Variants in ADGRB3 observed in about 807,000 individuals in gnomAD.
ADGRB3 encodes the protein adhesion G protein-coupled receptor B3, also known as brain-specific angiogenesis inhibitor 3.
A neutral mutation model predicts 193.4 loss-of-function variants in ADGRB3; 37 were observed. The ratio of observed to expected loss-of-function variants is 0.19; its 90% CI spans 0.15 to 0.25. The LOEUF (loss-of-function observed/expected upper bound fraction) is 0.25. Among genes scored for constraint, ADGRB3 ranks in the 10% least tolerant of loss-of-function variants. The probability of loss-of-function intolerance (pLI) is 1.00; values close to 1 mark genes in which losing one functional copy is unlikely to be tolerated. For missense variants in ADGRB3, 1,637 were observed against 1,852.9 expected (o/e 0.88, Z 2.14); for synonymous variants, 690 against 644.2 (o/e 1.07, Z -1.08).
intron 13 of ADGRB3, among the ~76,000 whole-genome samples, chr6:69,043,555 G>A (rs1771150415): frequency 6.6e-6 from 1 of 152,144 alleles, no homozygotes. Context: ...ATAATGATGT[G>A]GACATACTGT....
At chr6:68,846,968 T>C (rs1267686527) in intron 3 of ADGRB3, among the ~76,000 whole-genome samples, 1 of 152,108 alleles carries the variant, frequency 6.6e-6, no homozygotes, top group African/African-American at 2.4e-5. Flanking sequence ...GGCTGTACCA[T>C]GCAAAGCCAC....
chr6:68,992,724 AG>A (rs1452200625), intron 10 of ADGRB3, among the ~76,000 whole-genome samples: 1 of 152,214 alleles, frequency 6.6e-6, no homozygotes, highest in African/African-American at 2.4e-5. Flanking sequence ...AAAATATATG[AG>A]ATTTCAACAC....
chr6:69,026,677 A>G (rs1316043381), intron 13 of ADGRB3, among the ~76,000 whole-genome samples: 1 of 152,208 alleles, frequency 6.6e-6, no homozygotes, highest in African/African-American at 2.4e-5. Context: ...CCTAGATGGT[A>G]TAGCCTATTA....
chr6:69,156,243 A>C (rs1370636123), intron 17 of ADGRB3, among the ~76,000 whole-genome samples: 1 of 152,214 alleles, frequency 6.6e-6, no homozygotes, highest in African/African-American at 2.4e-5. Flanking sequence ...AAATGGTTAA[A>C]TTATGTGAAG....
intron 17 of ADGRB3, among the ~76,000 whole-genome samples, chr6:69,188,250 C>CTT (rs59672215): frequency 1.3e-5 from 2 of 151,806 alleles, no homozygotes; most frequent in African/African-American, 4.8e-5. Context: ...CATAAAATGC[C>CTT]TTTTTTTTCT....
chr6:69,313,685 T>G (rs538158849), intron 20 of ADGRB3, among the ~76,000 whole-genome samples: 1 of 151,904 alleles, frequency 6.6e-6, no homozygotes, highest in South Asian at 2.1e-4. Context: ...CCTCTACAGA[T>G]AAAGAACATA....
At chr6:69,301,055 A>G (rs536289737) in intron 20 of ADGRB3, among the ~76,000 whole-genome samples, 49 of 151,908 alleles carry the variant, frequency 3.2e-4, no homozygotes, top group African/African-American at 1.2e-3. Context: ...ATTTTTTTCA[A>G]TAAACATATC....
chr6:69,226,724 T>A (rs1041165292), intron 17 of ADGRB3, among the ~76,000 whole-genome samples: 3 of 152,248 alleles, frequency 2.0e-5, no homozygotes, highest in Non-Finnish European at 4.4e-5. Flanking sequence ...GTTAGTTTCA[T>A]CTGGTATAAT....
chr6:68,968,748 A>G (rs762431072), intron 8 of ADGRB3, among the ~76,000 whole-genome samples: 57 of 152,264 alleles, frequency 3.7e-4, no homozygotes, highest in Non-Finnish European at 5.6e-4. Context: ...TTCATGATGT[A>G]TTTTTTGAAC....
intron 17 of ADGRB3, among the ~76,000 whole-genome samples, chr6:69,106,179 A>AAAAGAAAAG (rs1554143753): frequency 7.1e-6 from 1 of 140,734 alleles, no homozygotes; most frequent in Non-Finnish European, 1.5e-5. Flanking sequence ...AAAAAAAAAA[A>AAAAGAAAAG]AAAAGAAAAG....
At chr6:68,898,486 C>T (rs191944160) in intron 3 of ADGRB3, among the ~76,000 whole-genome samples, 9 of 152,168 alleles carry the variant, frequency 5.9e-5, no homozygotes, top group Admixed American at 5.2e-4. Flanking sequence ...CAGGCAAGCT[C>T]ATAGTAAAAT....
intron 16 of ADGRB3, among the ~76,000 whole-genome samples, chr6:69,065,276 A>G (rs1045166490): frequency 1.3e-5 from 2 of 152,146 alleles, no homozygotes; most frequent in African/African-American, 2.4e-5. Flanking sequence ...GCTAGAGAAG[A>G]AAAAGTCTCT....
Position 68,956,198 on chromosome 6 carries a change from G to T in ADGRB3, c.1360+10G>T. On this transcript the variant is annotated intron_variant, in intron 7 of 31. Transcript: ENST00000370598. ...AACCCTGAATGTACAGGTAGGGCTT[G>T]ATTCCTGCATATCATGGGCACTCGT... 1 of 1,596,232 alleles carries T rather than the reference G, an allele frequency of 6.3e-7. No individual in the cohort carries two copies. The highest frequency in any genetic ancestry group is 1.1e-5 in the South Asian group (1 of 89,560).
intron 20 of ADGRB3, among the ~76,000 whole-genome samples, chr6:69,268,220 G>A (rs1264865848): frequency 6.6e-6 from 1 of 152,016 alleles, no homozygotes; most frequent in Non-Finnish European, 1.5e-5. Context: ...TTTTTATAAT[G>A]TGCAAGTATA....
In ADGRB3 at chr6:68,639,455, G is replaced by A. The variant is rs763840849; in HGVS notation, c.757+23G>A. ...AAGGTAAGTGCCAAAGAGAGGGGAA[G>A]GTGAGCGGGGGAGCACTTTTGGGGG... is the stretch of plus-strand genomic sequence containing the variant. On this transcript the variant is annotated intron_variant, in intron 3 of 31. Transcript: ENST00000370598. 4 of 1,566,160 alleles carry A rather than the reference G, an allele frequency of 2.6e-6. No homozygotes were observed. In the South Asian group the frequency reaches 4.7e-5, roughly 18 times the overall value.
In ADGRB3 at chr6:69,086,878, A is replaced by G. The variant is rs1582450526; in HGVS notation, c.2480+10840A>G. On this transcript the variant is annotated intron_variant, in intron 17 of 31. Transcript: ENST00000370598. ...TGAATACATATTTTAAAGGGGGAGA[A>G]TGACATAGCATTTTTAACCTTTTCA... 5.3e-5 allele frequency among the ~76,000 whole-genome samples: 8 copies of G among 152,218 alleles called. 1 individual carries two copies. The highest frequency in any genetic ancestry group is 5.2e-4 in the Admixed American group (8 of 15,280).
Position 68,660,718 on chromosome 6 carries a change from C to G in ADGRB3, c.757+21286C>G, listed in dbSNP as rs1458738459. On this transcript the variant is annotated intron_variant, in intron 3 of 31. Coordinates refer to ENST00000370598, the MANE Select transcript of ADGRB3 (RefSeq NM_001704.3). Reference sequence around the variant, plus strand: ...CTAGCTAAATGCTTCAATTACATAGCAAGGGATGTTGTTTTATAATTACTC... The same window carrying G: ...CTAGCTAAATGCTTCAATTACATAGGAAGGGATGTTGTTTTATAATTACTC... Among the ~76,000 whole-genome samples, 4 of 151,016 alleles carry G rather than the reference C, an allele frequency of 2.6e-5. No individual in the cohort carries two copies. The East Asian group carries it at 7.8e-4, about 29-fold the overall frequency.
chr6:68,696,744 C>G (rs1765166089), intron 3 of ADGRB3, among the ~76,000 whole-genome samples: 1 of 151,866 alleles, frequency 6.6e-6, no homozygotes, highest in African/African-American at 2.4e-5. Context: ...GTGTTCAGGT[C>G]CTTTAGTCAA....
At chr6:69,281,313 A>G (rs1213413386) in intron 20 of ADGRB3, among the ~76,000 whole-genome samples, 1 of 152,178 alleles carries the variant, frequency 6.6e-6, no homozygotes, top group African/African-American at 2.4e-5. Context: ...GCCTATCTTC[A>G]GACACAAATA....
Sources: gnomAD v4.1 joint callset for allele counts (sites outside exome capture counted in the v4.1 genomes callset) on GRCh38, gnomAD v4.1.1 for gene constraint, MANE v1.5 for transcripts, NCBI Gene and HGNC (gene_info 2026-07-23, HGNC 2026-07-21) for gene names.